The following PRRC2B variants were observed in gnomAD, a reference collection of about 807,000 sequenced individuals.
The protein encoded by PRRC2B is protein PRRC2B.
PRRC2B carries 68 observed loss-of-function variants against 242.3 expected under a neutral mutation model. That is an observed-to-expected ratio of 0.28 (90% CI 0.23 to 0.34). PRRC2B has a LOEUF of 0.34. Ranked by LOEUF, PRRC2B falls within the 10% of genes least tolerant of loss-of-function variation. The probability of loss-of-function intolerance (pLI) is 1.00; values close to 1 mark genes in which losing one functional copy is unlikely to be tolerated. For missense variants in PRRC2B, 2,835 were observed against 2,954.8 expected, an observed-to-expected ratio of 0.96 and a Z score of 0.94; for synonymous variants, 1,228 against 1,173.6, an observed-to-expected ratio of 1.05 and a Z score of -0.95.
chr9:131,422,046 CTTTT>C (rs1332859703), intron 1 of PRRC2B, among the ~76,000 whole-genome samples: 1 of 151,938 alleles, frequency 6.6e-6, no homozygotes, highest in East Asian at 1.9e-4. Flanking sequence ...TTCTTTCTTT[CTTTT>C]TTTTATTTTT....
In PRRC2B at chr9:131,441,099, C is replaced by T. The variant is rs76219397; in HGVS notation, c.469+2038C>T. ...CCTGGGTGACAGAGCAAGACCCTAT[C>T]TTAAAGGACAAAACAGAAAAATGGG... On this transcript the variant is annotated intron_variant, in intron 5 of 31. Transcript: ENST00000683519. Among the ~76,000 whole-genome samples the T allele has an allele frequency of 9.4e-3, 1,435 of 152,228 alleles. 29 individuals are homozygous for T. Among genetic ancestry groups the T allele is most frequent in the African/African-American group, 0.033 (1,357 of 41,520 alleles).
In PRRC2B at chr9:131,495,796, C is replaced by A. The variant is rs201052521; in HGVS notation, c.6612C>A (p.Ala2204=). 427 of 1,612,840 alleles carry A rather than the reference C, an allele frequency of 2.6e-4. No homozygotes were observed. The highest frequency in any genetic ancestry group is 3.5e-4 in the Non-Finnish European group (411 of 1,179,052). Residue 2204 remains alanine (A), a synonymous_variant, in exon 32 of 32, where the codon GCC becomes GCA. Transcript: ENST00000683519. The stretch of plus-strand genomic sequence containing the variant: ...TGGGAGCCGTGAAGCTGCAGGAGGC[C>A]CCCTCGGCTGCCTCCCAGATGAAGC... ...PSLGAVKLQE[A]PSAASQMKRT...
intron 18 of PRRC2B, 30 bp downstream of exon 18, chr9:131,478,649 G>GGGGGGGGCCCCGGGGC: frequency 4.0e-6 from 2 of 504,556 alleles, no homozygotes; most frequent in Non-Finnish European, 8.0e-6. Context: ...GGGGCATGGG[G>GGGGGGGGCCCCGGGGC]CTGGAGGGCA....
chr9:131,423,280 G>A (rs976084232), intron 1 of PRRC2B, among the ~76,000 whole-genome samples: 1 of 152,234 alleles, frequency 6.6e-6, no homozygotes, highest in Non-Finnish European at 1.5e-5. Flanking sequence ...CCTCAGACCC[G>A]CTGGAGAGCT....
chr9:131,472,471 ATTTTTTTTTT>A (rs749051569), intron 14 of PRRC2B, among the ~76,000 whole-genome samples: 1 of 91,522 alleles, frequency 1.1e-5, no homozygotes, highest in African/African-American at 4.6e-5. Context: ...CGCCCAGCTA[ATTTTTTTTTT>A]TTTTTTTTTT....
intron 26 of PRRC2B, among the ~76,000 whole-genome samples, chr9:131,486,964 T>TA (rs1944041227): frequency 2.0e-5 from 3 of 152,188 alleles, no homozygotes; most frequent in South Asian, 4.1e-4. Context: ...AGGGTAGGGA[T>TA]ATGCTGTGGT....
Position 131,470,980 on chromosome 9 carries a change from T to C in PRRC2B, c.2104T>C (p.Ser702Pro), listed in dbSNP as rs1377548649. Reference sequence around the variant, plus strand: ...CTTCTACCCCTCCGCCCTGCATCCCTCAGGTAAGCACTGTGGTCTGACGGT... The same window carrying C: ...CTTCTACCCCTCCGCCCTGCATCCCCCAGGTAAGCACTGTGGTCTGACGGT... ...VDFYPSALHP[S>P]GLMKPMMPQE... Residue 702 changes from serine to proline, a missense_variant, in exon 14 of 32, where the codon TCA becomes CCA. By Grantham distance (74) the Ser-to-Pro change is moderately conservative (BLOSUM62 -1). Around this residue, in one of 7 missense-constraint regions of PRRC2B, gnomAD observed 1,536 missense variants for 1,483.1 expected, o/e 1.04. Coordinates refer to ENST00000683519, the MANE Select transcript of PRRC2B (RefSeq NM_013318.4). 6.2e-7 allele frequency: 1 copy of C among 1,608,856 alleles called. No individual in the cohort carries two copies. Among genetic ancestry groups the C allele is most frequent in the Non-Finnish European group, 8.5e-7 (1 of 1,176,962 alleles).
chr9:131,396,789 TC>T (rs1226864789), intron 1 of PRRC2B, among the ~76,000 whole-genome samples: 2 of 152,148 alleles, frequency 1.3e-5, no homozygotes, highest in Non-Finnish European at 2.9e-5. Context: ...CAGCCAGATC[TC>T]GGTGTCTGCT....
chr9:131,489,065 C>G (rs1944108153), intron 28 of PRRC2B, among the ~76,000 whole-genome samples: 2 of 152,076 alleles, frequency 1.3e-5, no homozygotes, highest in Non-Finnish European at 2.9e-5. Context: ...GCACTCCTGT[C>G]TAGGCTTGGC....
chr9:131,428,857 A>AG (rs1488631323), intron 1 of PRRC2B, among the ~76,000 whole-genome samples: 2 of 152,246 alleles, frequency 1.3e-5, no homozygotes, highest in African/African-American at 2.4e-5. Flanking sequence ...AAGGAAGCTT[A>AG]GAACCTATTG....
At chr9:131,415,695 C>A (rs906192517) in intron 1 of PRRC2B, among the ~76,000 whole-genome samples, 1 of 152,194 alleles carries the variant, frequency 6.6e-6, no homozygotes, top group East Asian at 1.9e-4. Context: ...AAGTCTCCAT[C>A]ATTGTTGCTC....
chr9:131,432,954 C>G (rs1056575659), intron 3 of PRRC2B, among the ~76,000 whole-genome samples, 160 bp downstream of exon 3: 1 of 152,244 alleles, frequency 6.6e-6, no homozygotes, highest in African/African-American at 2.4e-5. Flanking sequence ...GCTGCTTCCT[C>G]TCTGGCCCTG....
At chr9:131,491,824 G>T (rs1015511333) in intron 29 of PRRC2B, among the ~76,000 whole-genome samples, 7 of 152,132 alleles carry the variant, frequency 4.6e-5, no homozygotes, top group Non-Finnish European at 1.0e-4. Context: ...TGCTATGGAC[G>T]GCCATGTTTC....
intron 9 of PRRC2B, among the ~76,000 whole-genome samples, chr9:131,450,075 T>C (rs1045067172): frequency 2.0e-5 from 3 of 152,218 alleles, no homozygotes; most frequent in Non-Finnish European, 2.9e-5. Flanking sequence ...TAGTTGTTCC[T>C]CATACCAGTA....
chr9:131,398,917 G>T (rs1255066951), intron 1 of PRRC2B, among the ~76,000 whole-genome samples: 3 of 152,172 alleles, frequency 2.0e-5, no homozygotes, highest in Non-Finnish European at 4.4e-5. Flanking sequence ...GGTTGAGGTT[G>T]CAGTGAGCCG....
chr9:131,382,079 T>C (rs2986611), intron 1 of PRRC2B, among the ~76,000 whole-genome samples: 87,228 of 151,618 alleles, frequency 0.58, 26,442 homozygotes, highest in East Asian at 0.82. Flanking sequence ...TGCAGTGGCA[T>C]GATCTCAGCT....
At chr9:131,395,576 G>A (rs1483297504) in intron 1 of PRRC2B, among the ~76,000 whole-genome samples, 2 of 152,216 alleles carry the variant, frequency 1.3e-5, no homozygotes, top group African/African-American at 2.4e-5. Flanking sequence ...GAAGGGCCTA[G>A]CAGAGGGCCT....
chr9:131,443,112 A>ATTTTAT (rs888209802), intron 5 of PRRC2B, among the ~76,000 whole-genome samples: 1 of 147,076 alleles, frequency 6.8e-6, no homozygotes, highest in African/African-American at 2.5e-5. Flanking sequence ...ATTTTATTTT[A>ATTTTAT]TTTATTTTAT....
intron 15 of PRRC2B, 43 bp downstream of exon 15, chr9:131,473,767 A>C: frequency 6.7e-7 from 1 of 1,483,548 alleles, no homozygotes; most frequent in Non-Finnish European, 9.3e-7. Flanking sequence ...CTGAAGGAGG[A>C]CTCCAGGTCC....
Sources: allele counts gnomAD v4.1 joint callset (sites outside exome capture counted in the v4.1 genomes callset), GRCh38; gene constraint gnomAD v4.1.1; regional missense constraint gnomAD v4.1.1; transcripts MANE v1.5; gene names NCBI Gene and HGNC (gene_info 2026-07-23, HGNC 2026-07-21).